Variants in RPH3A observed in about 807,000 individuals in gnomAD.
RPH3A encodes the protein rabphilin-3A.
In RPH3A, 48 loss-of-function variants were observed where a neutral mutation model predicts 102.2. The observed-to-expected ratio is 0.47, with a 90% CI of 0.37 to 0.60. The LOEUF (loss-of-function observed/expected upper bound fraction) is 0.60, where lower values mean the gene tolerates loss of function less well. RPH3A is among the 20% of genes least tolerant of loss of function. The probability of loss-of-function intolerance (pLI) is 0.00; values close to 1 mark genes in which losing one functional copy is unlikely to be tolerated. For synonymous variants in RPH3A, 310 were observed against 324.3 expected (o/e 0.96, Z 0.47); for missense variants, 781 against 910.1 (o/e 0.86, Z 1.83).
intron 3 of RPH3A, among the ~76,000 whole-genome samples, chr12:112,833,588 A>G (rs1387085110): frequency 1.3e-5 from 1 of 74,720 alleles, no homozygotes; most frequent in Non-Finnish European, 3.2e-5. Flanking sequence ...TGGTATTTGC[A>G]GTGGTTTATT....
chr12:112,714,633 C>G (rs1322567389), intron 1 of RPH3A, among the ~76,000 whole-genome samples: 1 of 152,156 alleles, frequency 6.6e-6, no homozygotes, highest in African/African-American at 2.4e-5. Context: ...AGGATTTTCT[C>G]TTTCCGTCTT....
At chr12:112,829,279 C>CT (rs1261332706) in intron 3 of RPH3A, among the ~76,000 whole-genome samples, 7 of 142,336 alleles carry the variant, frequency 4.9e-5, no homozygotes, top group South Asian at 2.2e-4. Flanking sequence ...TTTTTTTTTT[C>CT]TTTTTTTTTC....
intron 6 of RPH3A, among the ~76,000 whole-genome samples, chr12:112,865,987 G>T (rs770689251): frequency 7.2e-5 from 11 of 152,150 alleles, no homozygotes; most frequent in Non-Finnish European, 1.2e-4. Flanking sequence ...GAATTATTTG[G>T]CTTCCAAAGC....
At position 112,845,737 on chromosome 12, in the gene RPH3A, A is replaced by G. The variant is rs576372772; in HGVS notation, c.84-1959A>G. Among the ~76,000 whole-genome samples the G allele has an allele frequency of 1.5e-3, 229 of 152,326 alleles. 2 individuals are homozygous for G. The highest frequency in any genetic ancestry group is 5.4e-3 in the African/African-American group (223 of 41,574). On this transcript the variant is annotated intron_variant, in intron 4 of 21. Transcript: ENST00000389385. ...AGAATGATCTAAATGCATGGACACA[A>G]TAGAGAACCAGGGCCAGATAAGGTC... is the stretch of plus-strand genomic sequence containing the variant.
intron 13 of RPH3A, among the ~76,000 whole-genome samples, chr12:112,878,567 G>A (rs73203212): frequency 0.033 from 5,040 of 152,296 alleles, 143 homozygotes; most frequent in Non-Finnish European, 0.043. Flanking sequence ...AATTCATTTC[G>A]AGTGGAGACA....
intron 1 of RPH3A, among the ~76,000 whole-genome samples, chr12:112,600,296 TA>T (rs1424332779): frequency 6.6e-6 from 1 of 152,214 alleles, no homozygotes; most frequent in Non-Finnish European, 1.5e-5. Context: ...GCTGAATAAT[TA>T]ATGCCAGCTC....
Position 112,839,972 on chromosome 12 carries a change from G to A in RPH3A, c.83+3470G>A, listed in dbSNP as rs952981791. Among the ~76,000 whole-genome samples the A allele has an allele frequency of 3.3e-5, 5 of 152,062 alleles. No individual in the cohort carries two copies. The South Asian group carries it at 8.3e-4, about 25-fold the overall frequency. On this transcript the variant is annotated intron_variant, in intron 4 of 21. Transcript: ENST00000389385. ...CCACTGCACTCCAGCCTGGGCAACC[G>A]AGTGAGACACCATCTCAAAAAAAAA...
intron 1 of RPH3A, among the ~76,000 whole-genome samples, chr12:112,712,075 G>T (rs149147982): frequency 1.3e-3 from 203 of 152,136 alleles, no homozygotes; most frequent in African/African-American, 4.7e-3. Context: ...CAGGTGATCT[G>T]CCCTCCTCAG....
intron 5 of RPH3A, among the ~76,000 whole-genome samples, chr12:112,852,768 T>C (rs2042344000): frequency 6.6e-6 from 1 of 152,204 alleles, no homozygotes; most frequent in South Asian, 2.1e-4. Context: ...TTTTAGAATG[T>C]ATTAAGTTTG....
intron 1 of RPH3A, among the ~76,000 whole-genome samples, chr12:112,769,530 C>A (rs61202896): frequency 6.6e-6 from 1 of 152,226 alleles, no homozygotes; most frequent in Non-Finnish European, 1.5e-5. Flanking sequence ...AACCATGTTA[C>A]GTTTAGCGCA....
At chr12:112,742,410 T>C in intron 1 of RPH3A, among the ~76,000 whole-genome samples, 1 of 150,394 alleles carries the variant, frequency 6.6e-6, no homozygotes, top group Non-Finnish European at 1.5e-5. Context: ...GAAATCAGCT[T>C]TTGAGACATG....
intron 1 of RPH3A, among the ~76,000 whole-genome samples, chr12:112,603,419 A>G (rs2039572022): frequency 6.6e-6 from 1 of 152,172 alleles, no homozygotes; most frequent in African/African-American, 2.4e-5. Flanking sequence ...TTATTAAGAA[A>G]GGAAAGCAGT....
chr12:112,849,799 G>T (rs2042292315), intron 5 of RPH3A, among the ~76,000 whole-genome samples: 1 of 152,190 alleles, frequency 6.6e-6, no homozygotes, highest in Non-Finnish European at 1.5e-5. Context: ...CAAGAGGCTT[G>T]GGAGTTTATA....
chr12:112,588,369 G>A (rs975514870), intron 1 of RPH3A, among the ~76,000 whole-genome samples: 1 of 150,940 alleles, frequency 6.6e-6, no homozygotes, highest in Non-Finnish European at 1.5e-5. Flanking sequence ...TGAAAGAGGA[G>A]CAAAGGCATG....
intron 1 of RPH3A, among the ~76,000 whole-genome samples, chr12:112,652,380 G>C (rs942206633): frequency 4.6e-5 from 7 of 152,200 alleles, no homozygotes; most frequent in African/African-American, 1.7e-4. Context: ...GGGAGGCTGA[G>C]GTGGGAGGAT....
At chr12:112,877,405 CACACACACACGTAT>C (rs1393933652) in intron 13 of RPH3A, among the ~76,000 whole-genome samples, 3 of 143,764 alleles carry the variant, frequency 2.1e-5, no homozygotes, top group Non-Finnish European at 3.0e-5. Flanking sequence ...CACACGTATA[CACACACACACGTAT>C]ACACACACAC....
intron 1 of RPH3A, among the ~76,000 whole-genome samples, chr12:112,670,739 T>A (rs927225068): frequency 3.3e-5 from 5 of 152,178 alleles, no homozygotes; most frequent in African/African-American, 4.8e-5. Flanking sequence ...GTGTTTACCA[T>A]CTATTTCAAG....
intron 1 of RPH3A, among the ~76,000 whole-genome samples, chr12:112,688,957 C>T (rs1330643942): frequency 1.3e-5 from 2 of 152,200 alleles, no homozygotes; most frequent in African/African-American, 2.4e-5. Flanking sequence ...AGTGGTTGCA[C>T]ACTTACTAAG....
At chr12:112,586,322 T>A (rs568255998) in intron 1 of RPH3A, among the ~76,000 whole-genome samples, 2 of 152,212 alleles carry the variant, frequency 1.3e-5, no homozygotes, top group South Asian at 2.1e-4. Flanking sequence ...ACAAATTAGC[T>A]AATGAGTAAC....
Sources: allele counts gnomAD v4.1 joint callset (sites outside exome capture counted in the v4.1 genomes callset), GRCh38; gene constraint gnomAD v4.1.1; transcripts MANE v1.5; gene names NCBI Gene and HGNC (gene_info 2026-07-23, HGNC 2026-07-21).